PEAK1: variants seen among roughly 807,000 people sequenced by gnomAD.
The protein encoded by PEAK1 is inactive tyrosine-protein kinase PEAK1.
PEAK1 carries 54 observed loss-of-function variants against 124.7 expected under a neutral mutation model. That is an observed-to-expected ratio of 0.43 (90% CI 0.35 to 0.54). The LOEUF is 0.54. PEAK1 is among the 20% of genes least tolerant of loss of function. The pLI is 0.01. For synonymous variants in PEAK1, 719 were observed against 760.0 expected (o/e 0.95, Z 0.89); for missense variants, 2,046 against 2,134.5 (o/e 0.96, Z 0.82).
At position 77,234,667 on chromosome 15, in the gene PEAK1, T is replaced by A. The variant is rs185088970; in HGVS notation, c.-115+17700A>T. On this transcript the variant is annotated intron_variant, in intron 6 of 9. Coordinates refer to ENST00000682557, the MANE Select transcript of PEAK1 (RefSeq NM_001385026.1). ...GGAGAGATACTGAGATTACAGAAAA[T>A]TTTTTTTTTAATTTAAAAAAAATTT... Among the ~76,000 whole-genome samples, 779 of 147,896 alleles carry A rather than the reference T, an allele frequency of 5.3e-3. 4 individuals carry two copies. The highest frequency in any genetic ancestry group is 0.018 in the African/African-American group (691 of 38,624).
In PEAK1 at chr15:77,241,355, A is replaced by G. The variant is rs572616094; in HGVS notation, c.-115+11012T>C. ...TCAACATAATTAAAGGGCACCTACA[A>G]AAAAACTACAGCTAATATCGTATTT... On this transcript the variant is annotated intron_variant, in intron 6 of 9. Coordinates refer to ENST00000682557, the MANE Select transcript of PEAK1 (RefSeq NM_001385026.1). 3.9e-5 allele frequency among the ~76,000 whole-genome samples: 6 copies of G among 152,268 alleles called. 1 individual carries two copies. The highest frequency in any genetic ancestry group is 1.4e-4 in the African/African-American group (6 of 41,576).
chr15:77,147,996 TAAG>T (rs2054294910), intron 8 of PEAK1, among the ~76,000 whole-genome samples: 1 of 152,220 alleles, frequency 6.6e-6, no homozygotes. Context: ...AATTTATATT[TAAG>T]AAGCCATATA....
At chr15:77,197,537 T>A (rs1274708684) in intron 6 of PEAK1, among the ~76,000 whole-genome samples, 1 of 152,184 alleles carries the variant, frequency 6.6e-6, no homozygotes, top group East Asian at 1.9e-4. Context: ...TATTTTTAAA[T>A]TTTTGGTTCT....
In PEAK1 at chr15:77,110,430, T is replaced by G. The variant is rs796419991; in HGVS notation, c.*3726A>C. On this transcript the variant is annotated 3_prime_UTR_variant, in exon 10 of 10. Transcript: ENST00000682557. ...ACTACTAGAAACTTTTAAGATATAATTTTTAGTAGTTTTACTCCCAGAAAT... is the reference window on the plus strand; with the variant it reads ...ACTACTAGAAACTTTTAAGATATAAGTTTTAGTAGTTTTACTCCCAGAAAT... The G allele has an allele frequency of 2.0e-5, 3 of 152,174 alleles. No individual in the cohort carries two copies. Among genetic ancestry groups the G allele is most frequent in the Admixed American group, 2.0e-4 (3 of 15,272 alleles). 9.4% of individuals were successfully genotyped at this position (152,174 alleles called of 1,614,324 possible). A position where few individuals can be genotyped will look rare whatever the true frequency, so the allele number is the denominator to read the frequency against.
Position 77,114,303 on chromosome 15 carries a change from C to T in PEAK1, c.5094G>A (p.Lys1698=). The T allele has an allele frequency of 6.2e-7, 1 of 1,614,234 alleles. No individual in the cohort carries two copies. Among genetic ancestry groups the T allele is most frequent in the Non-Finnish European group, 8.5e-7 (1 of 1,180,038 alleles). The stretch of plus-strand genomic sequence containing the variant: ...CAAACTTGATCATGAGCAGTGTTCG[C>T]TTGATGTCTAGCCAGTTTTGGAGCA... ...NTLLQNWLDI[K]RTLLMIKFAE... Residue 1698 remains lysine (K), a synonymous_variant, in exon 10 of 10, where the codon AAG becomes AAA. Transcript: ENST00000682557.
chr15:77,401,433 T>C, intron 1 of PEAK1: 2 of 829,014 alleles, frequency 2.4e-6, no homozygotes, highest in Non-Finnish European at 2.9e-6. Context: ...AACATTTTCC[T>C]AGAAATGATA....
At chr15:77,225,209 C>G (rs2059575556) in intron 6 of PEAK1, among the ~76,000 whole-genome samples, 1 of 151,990 alleles carries the variant, frequency 6.6e-6, no homozygotes, top group African/African-American at 2.4e-5. Flanking sequence ...TCAGCTCAGG[C>G]AATCTCATTT....
At position 77,178,796 on chromosome 15, in the gene PEAK1, A is replaced by G; in HGVS notation, c.3131T>C (p.Ile1044Thr). ...HSSPSQIPKK[I>T]LSHMTHEVTE... ...TCCAGTCTATTTTACATACCTGAGA[A>G]TCTTTTTAGGAATCTGTGATGGAGA... The change falls in exon 7 of 10, where the codon ATT (isoleucine) becomes ACT (threonine). Residue 1044 changes from isoleucine to threonine, a missense_variant. Ile to Thr is a moderately conservative substitution (Grantham distance 89). Coordinates refer to ENST00000682557, the MANE Select transcript of PEAK1 (RefSeq NM_001385026.1). The G allele has an allele frequency of 6.2e-7, 1 of 1,612,028 alleles. No individual in the cohort carries two copies. The highest frequency in any genetic ancestry group is 8.5e-7 in the Non-Finnish European group (1 of 1,178,892).
intron 2 of PEAK1, among the ~76,000 whole-genome samples, chr15:77,293,844 G>C (rs2063350744): frequency 6.6e-6 from 1 of 152,086 alleles, no homozygotes; most frequent in South Asian, 2.1e-4. Context: ...ATTTATGTAT[G>C]ACTTTAAAAA....
chr15:77,173,862 T>C (rs902372691), intron 7 of PEAK1, among the ~76,000 whole-genome samples: 1 of 152,218 alleles, frequency 6.6e-6, no homozygotes, highest in South Asian at 2.1e-4. Context: ...CTGAGAAGTC[T>C]GCATTAAGCT....
chr15:77,207,679 C>T (rs557062870), intron 6 of PEAK1, among the ~76,000 whole-genome samples: 47 of 151,836 alleles, frequency 3.1e-4, no homozygotes, highest in African/African-American at 1.0e-3. Flanking sequence ...TAAGGGGGAA[C>T]GGAGGAATGA....
chr15:77,316,243 A>G (rs899340735), intron 2 of PEAK1, among the ~76,000 whole-genome samples: 2 of 152,210 alleles, frequency 1.3e-5, no homozygotes, highest in African/African-American at 4.8e-5. Flanking sequence ...GTCAAATGAT[A>G]AATACATGTT....
At chr15:77,419,296 G>A (rs1191800771) in intron 1 of PEAK1, 2 of 985,298 alleles carry the variant, frequency 2.0e-6, no homozygotes, top group Non-Finnish European at 1.2e-6. Context: ...GATGGTGCAT[G>A]CGACGAGAGG....
chr15:77,269,550 G>A (rs1597026741), intron 5 of PEAK1, among the ~76,000 whole-genome samples: 2 of 152,150 alleles, frequency 1.3e-5, no homozygotes, highest in Admixed American at 1.3e-4. Context: ...AATTAGATAG[G>A]CAACAACAAA....
At chr15:77,252,582 TGG>T in intron 5 of PEAK1, 56 bp from the exon 6 acceptor site, 2 of 892,214 alleles carry the variant, frequency 2.2e-6, no homozygotes, top group Non-Finnish European at 2.7e-6. Flanking sequence ...TCAAATATAT[TGG>T]ACATCTTTTC....
intron 1 of PEAK1, among the ~76,000 whole-genome samples, chr15:77,400,914 C>T (rs2071325198): frequency 1.3e-5 from 2 of 152,080 alleles, no homozygotes; most frequent in Non-Finnish European, 2.9e-5. Context: ...CAATTTAAAA[C>T]ATTTTTCTAA....
intron 1 of PEAK1, chr15:77,418,604 A>G: frequency 1.0e-6 from 1 of 985,180 alleles, no homozygotes; most frequent in Non-Finnish European, 1.2e-6. Context: ...ATAAGTCACC[A>G]AAGAGAAGTC....
chr15:77,374,464 AC>A (rs912716263), intron 1 of PEAK1, among the ~76,000 whole-genome samples: 2 of 152,150 alleles, frequency 1.3e-5, no homozygotes, highest in African/African-American at 2.4e-5. Flanking sequence ...TATATATCAC[AC>A]TAAAATCAAG....
intron 7 of PEAK1, among the ~76,000 whole-genome samples, chr15:77,177,513 TAA>T (rs2056958112): frequency 6.6e-6 from 1 of 152,162 alleles, no homozygotes; most frequent in Admixed American, 6.5e-5. Context: ...GTAAAAGCAT[TAA>T]GTGTTCACTT....
Sources: gnomAD v4.1 joint callset for allele counts (sites outside exome capture counted in the v4.1 genomes callset) on GRCh38, gnomAD v4.1.1 for gene constraint, MANE v1.5 for transcripts, NCBI Gene and HGNC (gene_info 2026-07-23, HGNC 2026-07-21) for gene names.